Variants in GABRA1 observed in about 807,000 individuals in gnomAD.
The protein encoded by GABRA1 is gamma-aminobutyric acid type A receptor subunit alpha1, also known as gamma-aminobutyric acid receptor subunit alpha-1.
In GABRA1, 9 loss-of-function variants were observed where a neutral mutation model predicts 48.9. The observed-to-expected ratio is 0.18, with a 90% CI of 0.11 to 0.32. GABRA1 has a LOEUF of 0.32. GABRA1 is among the 10% of genes least tolerant of loss of function. The probability of loss-of-function intolerance (pLI) is 1.00; values close to 1 mark genes in which losing one functional copy is unlikely to be tolerated. For synonymous variants in GABRA1, 210 were observed against 198.7 expected, an observed-to-expected ratio of 1.06 and a Z score of -0.48; for missense variants, 285 against 553.8, an observed-to-expected ratio of 0.51 and a Z score of 4.87.
intron 1 of GABRA1, chr5:161,848,701 TTTC>T (rs1242314895): frequency 4.0e-6 from 1 of 250,834 alleles, no homozygotes; most frequent in African/African-American, 2.4e-5. Flanking sequence ...TCTTTCTTCT[TTTC>T]TTCTCCTCTT....
intron 5 of GABRA1, among the ~76,000 whole-genome samples, chr5:161,873,940 A>G (rs906422045): frequency 2.0e-5 from 3 of 152,174 alleles, no homozygotes; most frequent in African/African-American, 7.2e-5. Flanking sequence ...ATACCTTATG[A>G]CTGAATGAAG....
chr5:161,861,683 G>A (rs1210234125), intron 3 of GABRA1, among the ~76,000 whole-genome samples: 1 of 151,860 alleles, frequency 6.6e-6, no homozygotes, highest in Admixed American at 6.6e-5. Flanking sequence ...ATTGAATGGA[G>A]ATGAAGGACA....
chr5:161,876,533 G>C (rs929195264), intron 6 of GABRA1, among the ~76,000 whole-genome samples: 6 of 152,308 alleles, frequency 3.9e-5, no homozygotes, highest in Admixed American at 2.6e-4. Flanking sequence ...AACAGTGGTA[G>C]TGTAGGAAGA....
intron 2 of GABRA1, among the ~76,000 whole-genome samples, chr5:161,851,416 T>G (rs1757442001): frequency 6.6e-6 from 1 of 152,142 alleles, no homozygotes; most frequent in African/African-American, 2.4e-5. Context: ...GACAAATATT[T>G]AAGAACTTTG....
intron 6 of GABRA1, among the ~76,000 whole-genome samples, chr5:161,880,873 G>A (rs1754585733): frequency 6.6e-6 from 1 of 152,142 alleles, no homozygotes; most frequent in Admixed American, 6.6e-5. Flanking sequence ...GGGAAAATGT[G>A]TATTGGACAG....
rs1411827077 is a variant in GABRA1, at chr5:161,885,875, T to A, written c.703+3174T>A. 3.9e-5 allele frequency among the ~76,000 whole-genome samples: 6 copies of A among 152,280 alleles called. No individual in the cohort carries two copies. The Middle Eastern group carries it at 0.01, about 259-fold the overall frequency. On this transcript the variant is annotated intron_variant, in intron 7 of 9. Transcript: ENST00000393943. ...ATTCATTCATTTATCCACGTAATCC[T>A]TAAATCACTTGTTCATTTACTGTGT...
At chr5:161,891,083 G>T (rs769877612) in intron 8 of GABRA1, 33 bp downstream of exon 8, 4 of 1,601,376 alleles carry the variant, frequency 2.5e-6, no homozygotes, top group Middle Eastern at 1.7e-4. Flanking sequence ...ACGCAAGGAA[G>T]GGTATGGAAG....
chr5:161,871,022 T>A (rs1754095426), intron 4 of GABRA1, among the ~76,000 whole-genome samples: 1 of 150,202 alleles, frequency 6.7e-6, no homozygotes, highest in South Asian at 2.1e-4. Context: ...GAAGGAAGAA[T>A]GTCCTAAATG....
At chr5:161,873,094 C>T (rs766874757) in intron 4 of GABRA1, 23 bp from the exon 5 acceptor site, 20 of 1,550,922 alleles carry the variant, frequency 1.3e-5, no homozygotes, top group African/African-American at 5.4e-5. Flanking sequence ...GTGAACTCTT[C>T]GTCATTTTCC....
intron 8 of GABRA1, among the ~76,000 whole-genome samples, chr5:161,893,048 T>TAAAAAAAAAAAA (rs3078113): frequency 3.5e-5 from 5 of 141,992 alleles, no homozygotes; most frequent in Non-Finnish European, 7.6e-5. Context: ...ATAATAATAA[T>TAAAAAAAAAAAA]AAAATAAACA....
At chr5:161,858,039 G>A (rs999590550) in intron 3 of GABRA1, among the ~76,000 whole-genome samples, 3 of 151,314 alleles carry the variant, frequency 2.0e-5, no homozygotes, top group African/African-American at 4.8e-5. Flanking sequence ...AGAACAGAGG[G>A]GAGGGAGAGG....
intron 5 of GABRA1, 27 bp from the exon 6 acceptor site, chr5:161,875,533 T>C: frequency 3.2e-6 from 5 of 1,577,780 alleles, no homozygotes; most frequent in Non-Finnish European, 3.5e-6. Context: ...TATATGGCTC[T>C]TGTTTGTATT....
chr5:161,877,116 G>A (rs1194272488), intron 6 of GABRA1, among the ~76,000 whole-genome samples: 4 of 151,934 alleles, frequency 2.6e-5, no homozygotes, highest in Admixed American at 2.0e-4. Context: ...TAACTTTTTT[G>A]TATGGTTGTG....
At chr5:161,889,048 G>A (rs895223104) in intron 7 of GABRA1, among the ~76,000 whole-genome samples, 2 of 151,956 alleles carry the variant, frequency 1.3e-5, no homozygotes, top group Non-Finnish European at 2.9e-5. Flanking sequence ...AAAATGCAAA[G>A]TATGATATAT....
intron 4 of GABRA1, among the ~76,000 whole-genome samples, chr5:161,867,598 G>A (rs1753925747): frequency 6.6e-6 from 1 of 152,044 alleles, no homozygotes; most frequent in Non-Finnish European, 1.5e-5. Flanking sequence ...TAAATGAGAT[G>A]TGCAAATAAA....
intron 8 of GABRA1, 143 bp from the exon 9 acceptor site, chr5:161,895,523 A>T: frequency 1.3e-6 from 1 of 756,098 alleles, no homozygotes. Context: ...AAGACTCATC[A>T]ATTCTAAACC....
chr5:161,855,543 T>A (rs1757614712), intron 3 of GABRA1, among the ~76,000 whole-genome samples: 2 of 151,502 alleles, frequency 1.3e-5, no homozygotes. Context: ...TTAGAAAAAA[T>A]TCTTTAAGTC....
chr5:161,897,037 C>T (rs1487543606), intron 9 of GABRA1, 74 bp from the exon 10 acceptor site: 1 of 1,383,510 alleles, frequency 7.2e-7, no homozygotes, highest in Admixed American at 1.7e-5. Context: ...AAATAAGGGC[C>T]ACCTTGCTCA....
At chr5:161,851,332 C>T (rs6883877) in intron 2 of GABRA1, among the ~76,000 whole-genome samples, 9,795 of 152,082 alleles carry the variant, frequency 0.064, 618 homozygotes, top group African/African-American at 0.16. Context: ...TTGAAAATCA[C>T]GTCTCTCTAA....
Sources: gnomAD v4.1 joint callset for allele counts (sites outside exome capture counted in the v4.1 genomes callset) on GRCh38, gnomAD v4.1.1 for gene constraint, MANE v1.5 for transcripts, NCBI Gene and HGNC (gene_info 2026-07-23, HGNC 2026-07-21) for gene names.